TECPR2: variants seen among roughly 807,000 people sequenced by gnomAD.
TECPR2 encodes the protein tectonin beta-propeller repeat-containing protein 2.
A neutral mutation model predicts 138.1 loss-of-function variants in TECPR2; 65 were observed. That is an observed-to-expected ratio of 0.47 (90% CI 0.39 to 0.58). TECPR2 has a LOEUF of 0.58. TECPR2 is among the 20% of genes least tolerant of loss of function. TECPR2 has a pLI of 0.00. For synonymous variants in TECPR2, 746 were observed against 749.8 expected (o/e 0.99, Z 0.08); for missense variants, 1,553 against 1,824.5 (o/e 0.85, Z 2.71).
rs1247321576 is a variant in TECPR2, at chr14:102,419,049, G to A, written c.638+4256G>A. ...GGCGGGTGGCGGGTGTACCTCTCGG[G>A]GAGCTGTGCGCTGGCAGCCACTGGC... On this transcript the variant is annotated intron_variant, in intron 5 of 19. Transcript: ENST00000359520. This position sits in a 1 kb window ranked among gnomAD's most constrained non-coding sequence, Gnocchi z 4.8. Among the ~76,000 whole-genome samples, 1 of 152,130 alleles carries A rather than the reference G, an allele frequency of 6.6e-6. No homozygotes were observed. Among genetic ancestry groups the A allele is most frequent in the Non-Finnish European group, 1.5e-5 (1 of 68,016 alleles).
At chr14:102,436,876 C>G (rs1391684948) in intron 9 of TECPR2, among the ~76,000 whole-genome samples, 1 of 152,204 alleles carries the variant, frequency 6.6e-6, no homozygotes, top group African/African-American at 2.4e-5. Flanking sequence ...GCATGGCCCC[C>G]TAATGTCTGG....
intron 17 of TECPR2, among the ~76,000 whole-genome samples, chr14:102,488,398 G>A (rs1385021037): frequency 6.6e-6 from 1 of 150,612 alleles, no homozygotes; most frequent in Non-Finnish European, 1.5e-5. Context: ...GGAGTGCAAT[G>A]GCGCAATCTT....
intron 16 of TECPR2, among the ~76,000 whole-genome samples, chr14:102,460,817 C>T (rs1303003274): frequency 1.3e-5 from 2 of 151,458 alleles, no homozygotes; most frequent in South Asian, 4.2e-4. Context: ...GCCTCAGCCT[C>T]CTGAGTAGCT....
intron 17 of TECPR2, among the ~76,000 whole-genome samples, chr14:102,481,009 T>A (rs1442687927): frequency 1.3e-5 from 2 of 149,592 alleles, no homozygotes; most frequent in Non-Finnish European, 3.0e-5. Context: ...CACGCCTGGC[T>A]AATTTTTTTT....
intron 12 of TECPR2, 93 bp from the exon 13 acceptor site, chr14:102,445,713 C>T (rs983451257): frequency 6.1e-5 from 89 of 1,453,232 alleles, no homozygotes; most frequent in Admixed American, 2.6e-4. Flanking sequence ...CTCCCAGCCA[C>T]GCCTGCCGGG....
At chr14:102,446,242 ATTTG>A (rs892093278) in intron 13 of TECPR2, among the ~76,000 whole-genome samples, 3 of 151,086 alleles carry the variant, frequency 2.0e-5, no homozygotes, top group African/African-American at 7.3e-5. Context: ...AGTTTTTTGT[ATTTG>A]TTTGTAGAGA....
chr14:102,376,456 G>A (rs557091916), intron 1 of TECPR2, among the ~76,000 whole-genome samples, 194 bp from the exon 2 acceptor site: 52 of 152,266 alleles, frequency 3.4e-4, no homozygotes, highest in African/African-American at 1.3e-3. Flanking sequence ...AAATCATAGA[G>A]GTCAGAACAT....
chr14:102,461,928 C>A (rs904253392), intron 16 of TECPR2, among the ~76,000 whole-genome samples: 2 of 152,174 alleles, frequency 1.3e-5, no homozygotes, highest in Non-Finnish European at 2.9e-5. Flanking sequence ...TTCATCCAGG[C>A]GGCCTGGGTG....
At chr14:102,412,243 C>G (rs983498332) in intron 4 of TECPR2, among the ~76,000 whole-genome samples, 1 of 151,694 alleles carries the variant, frequency 6.6e-6, no homozygotes, top group Non-Finnish European at 1.5e-5. Flanking sequence ...GTGATTCCCC[C>G]ACCTTGGCCT....
chr14:102,492,764 C>T (rs1317994600), intron 17 of TECPR2, among the ~76,000 whole-genome samples: 2 of 152,176 alleles, frequency 1.3e-5, no homozygotes, highest in Admixed American at 6.5e-5. Context: ...CGTGAGGGGG[C>T]GTGTGTGTCC....
rs56325877 is a variant in TECPR2, at chr14:102,367,994, C to CTTT, written c.-73+4906_-73+4908dup. On this transcript the variant is annotated intron_variant, in intron 1 of 19. Coordinates refer to ENST00000359520, the MANE Select transcript of TECPR2 (RefSeq NM_014844.5). ...AACATCTTTTTATGTGCTTATTGGC[C>CTTT]TTTTTTTTTTTTTTTTTTTTTTTTT... 1.8e-4 allele frequency among the ~76,000 whole-genome samples: 12 copies of CTTT among 65,832 alleles called. 2 individuals carry two copies. The highest frequency in any genetic ancestry group is 4.9e-4 in the African/African-American group (7 of 14,284). 43.2% of individuals were successfully genotyped at this position (65,832 alleles called of 152,430 possible).
At chr14:102,409,340 C>T (rs1369905494) in intron 4 of TECPR2, among the ~76,000 whole-genome samples, 3 of 151,872 alleles carry the variant, frequency 2.0e-5, no homozygotes, top group Non-Finnish European at 4.4e-5. Flanking sequence ...GCTCTTGTCG[C>T]CCAGGCTGGA....
chr14:102,470,941 C>T (rs1244962769), intron 17 of TECPR2, among the ~76,000 whole-genome samples: 1 of 152,090 alleles, frequency 6.6e-6, no homozygotes, highest in Non-Finnish European at 1.5e-5. Context: ...GCCTCAGCCT[C>T]ACGAGTAGCT....
At chr14:102,468,389 A>T (rs1890596070) in intron 17 of TECPR2, among the ~76,000 whole-genome samples, 1 of 152,032 alleles carries the variant, frequency 6.6e-6, no homozygotes, top group Admixed American at 6.6e-5. Flanking sequence ...GGGTTTCACC[A>T]TGTTGGCCAG....
At chr14:102,424,162 C>G (rs1462927305) in intron 5 of TECPR2, among the ~76,000 whole-genome samples, 1 of 152,174 alleles carries the variant, frequency 6.6e-6, no homozygotes, top group Non-Finnish European at 1.5e-5. Flanking sequence ...CAGCATATTG[C>G]TCCTGGGCTA....
intron 6 of TECPR2, among the ~76,000 whole-genome samples, chr14:102,426,958 C>T (rs1172370450): frequency 6.6e-6 from 1 of 152,216 alleles, no homozygotes; most frequent in African/African-American, 2.4e-5. Context: ...ATCAGCCGTA[C>T]CTGGTAACAC....
intron 17 of TECPR2, among the ~76,000 whole-genome samples, chr14:102,494,755 C>T (rs1470838152): frequency 2.7e-5 from 4 of 147,364 alleles, no homozygotes; most frequent in South Asian, 2.3e-4. Context: ...ACCTGGGAGG[C>T]GGAGGTTGCG....
At chr14:102,384,531 G>A (rs1426954462) in intron 2 of TECPR2, among the ~76,000 whole-genome samples, 1 of 151,696 alleles carries the variant, frequency 6.6e-6, no homozygotes. Context: ...AGAAAAATTA[G>A]CCAGGCATGG....
chr14:102,405,970 A>C (rs575535278), intron 2 of TECPR2, among the ~76,000 whole-genome samples: 2 of 152,188 alleles, frequency 1.3e-5, no homozygotes, highest in African/African-American at 4.8e-5. Context: ...TGAGGTATTT[A>C]GAGTATTCAA....
Sources: allele counts gnomAD v4.1 joint callset (sites outside exome capture counted in the v4.1 genomes callset), GRCh38; gene constraint gnomAD v4.1.1; non-coding constraint Gnocchi (gnomAD v3.1); transcripts MANE v1.5; gene names NCBI Gene and HGNC (gene_info 2026-07-23, HGNC 2026-07-21).